GABRB3: variants seen among roughly 807,000 people sequenced by gnomAD.
GABRB3 encodes gamma-aminobutyric acid receptor subunit beta-3.
A neutral mutation model predicts 52.1 loss-of-function variants in GABRB3; 14 were observed. The ratio of observed to expected loss-of-function variants is 0.27; its 90% CI spans 0.18 to 0.42. The LOEUF (loss-of-function observed/expected upper bound fraction) is 0.42, where lower values mean the gene tolerates loss of function less well. Among genes scored for constraint, GABRB3 ranks in the 10% least tolerant of loss-of-function variants. GABRB3 has a pLI of 1.00. For synonymous variants in GABRB3, 260 were observed against 232.3 expected, an observed-to-expected ratio of 1.12 and a Z score of -1.08; for missense variants, 307 against 609.1, an observed-to-expected ratio of 0.50 and a Z score of 5.22.
intron 3 of GABRB3, among the ~76,000 whole-genome samples, chr15:26,637,154 A>C (rs1893083447): frequency 6.6e-6 from 1 of 152,118 alleles, no homozygotes; most frequent in Non-Finnish European, 1.5e-5. Context: ...CACCTTTGCT[A>C]GCTTAGTTCT....
At chr15:26,554,577 C>G (rs547372896) in intron 8 of GABRB3, among the ~76,000 whole-genome samples, 1 of 152,234 alleles carries the variant, frequency 6.6e-6, no homozygotes, top group Non-Finnish European at 1.5e-5. Context: ...TCTCTTCCCA[C>G]TAGGAAAGTG....
At chr15:26,571,834 G>A (rs1228831569) in intron 6 of GABRB3, among the ~76,000 whole-genome samples, 1 of 152,036 alleles carries the variant, frequency 6.6e-6, no homozygotes, top group African/African-American at 2.4e-5. Context: ...TGAATCGCGA[G>A]GTCAAGAGAT....
At chr15:26,738,088 G>A (rs904819770) in intron 3 of GABRB3, among the ~76,000 whole-genome samples, 7 of 151,862 alleles carry the variant, frequency 4.6e-5, no homozygotes, top group South Asian at 2.1e-4. Context: ...GTTCTTCTTC[G>A]TGTTGTTGTT....
At chr15:26,664,561 T>C in intron 3 of GABRB3, among the ~76,000 whole-genome samples, 1 of 152,160 alleles carries the variant, frequency 6.6e-6, no homozygotes, top group Non-Finnish European at 1.5e-5. Context: ...TTATTTATTT[T>C]TAATTATTAT....
rs2140641664 is a variant in GABRB3, at chr15:26,546,526, C to G, written c.*1267G>C. 1 of 152,516 alleles carries G rather than the reference C, an allele frequency of 6.6e-6. No individual in the cohort carries two copies. Among genetic ancestry groups the G allele is most frequent in the Admixed American group, 6.5e-5 (1 of 15,276 alleles). The allele number at this position is 152,516 out of a possible 1,614,324, so 9.4% of individuals were successfully genotyped here. A position where few individuals can be genotyped will look rare whatever the true frequency, so the allele number is the denominator to read the frequency against. ...TGGGTGACGCGTGGTGTGTACGGGT[C>G]ATGTTCCTGCAGAATCCTAGTCAGT... On this transcript the variant is annotated 3_prime_UTR_variant, in exon 9 of 9. Coordinates refer to ENST00000311550, the MANE Select transcript of GABRB3 (RefSeq NM_000814.6).
chr15:26,611,128 G>A (rs996289189), intron 4 of GABRB3, among the ~76,000 whole-genome samples: 2 of 152,168 alleles, frequency 1.3e-5, no homozygotes, highest in Non-Finnish European at 2.9e-5. Context: ...GAACAAGGAA[G>A]TAACTGGAAA....
chr15:26,719,976 G>T (rs1889599267), intron 3 of GABRB3, among the ~76,000 whole-genome samples: 1 of 152,056 alleles, frequency 6.6e-6, no homozygotes, highest in African/African-American at 2.4e-5. Context: ...AATCACAAAA[G>T]AAGTGAAATT....
At chr15:26,594,655 C>T (rs1891330842) in intron 4 of GABRB3, among the ~76,000 whole-genome samples, 1 of 152,094 alleles carries the variant, frequency 6.6e-6, no homozygotes, top group Admixed American at 6.6e-5. Flanking sequence ...ACCAACATGC[C>T]TGGCTAGATT....
chr15:26,549,473 C>T (rs1425148055), intron 8 of GABRB3, among the ~76,000 whole-genome samples: 1 of 152,120 alleles, frequency 6.6e-6, no homozygotes, highest in African/African-American at 2.4e-5. Flanking sequence ...TTCTGGGTCA[C>T]TTCATTATGC....
chr15:26,556,312 G>A (rs1889750204), intron 8 of GABRB3, among the ~76,000 whole-genome samples: 5 of 152,118 alleles, frequency 3.3e-5, no homozygotes, highest in Admixed American at 2.6e-4. Flanking sequence ...GCACACAGTT[G>A]ATATCTCATT....
intron 3 of GABRB3, among the ~76,000 whole-genome samples, chr15:26,707,967 C>T (rs1185591631): frequency 2.0e-5 from 3 of 152,038 alleles, no homozygotes; most frequent in Non-Finnish European, 4.4e-5. Flanking sequence ...ATTGATCATC[C>T]CCAACCCCAA....
intron 3 of GABRB3, among the ~76,000 whole-genome samples, chr15:26,710,291 C>T (rs530581375): frequency 2.6e-5 from 4 of 152,166 alleles, no homozygotes; most frequent in Non-Finnish European, 5.9e-5. Flanking sequence ...GACGGAGTGT[C>T]ACTCTTGTTG....
chr15:26,716,922 G>A (rs5016884), intron 3 of GABRB3, among the ~76,000 whole-genome samples: 1,342 of 9,402 alleles, frequency 0.14, 26 homozygotes, highest in East Asian at 0.27. Flanking sequence ...CCTAGCTCTG[G>A]GGACCTCCAC....
At chr15:26,570,258 A>C (rs1042632856) in intron 6 of GABRB3, among the ~76,000 whole-genome samples, 6 of 152,234 alleles carry the variant, frequency 3.9e-5, no homozygotes, top group African/African-American at 1.4e-4. Context: ...TTGGTTCCAC[A>C]AACAGCAAAC....
rs56172132 is a variant in GABRB3 at position 26,554,191 on chromosome 15, C to G, written c.1081-6057G>C. ...TATATATAAAGTATATATATATATA[C>G]TATATATATATATATATAGTAGAAA... On this transcript the variant is annotated intron_variant, in intron 8 of 8. Coordinates refer to ENST00000311550, the MANE Select transcript of GABRB3 (RefSeq NM_000814.6). Among the ~76,000 whole-genome samples, 99 of 15,466 alleles carry G rather than the reference C, an allele frequency of 6.4e-3. 4 individuals are homozygous for G. The highest frequency in any genetic ancestry group is 0.01 in the Admixed American group (8 of 798). 10.1% of individuals were successfully genotyped at this position (15,466 alleles called of 152,430 possible).
At chr15:26,704,436 T>G (rs535305732) in intron 3 of GABRB3, among the ~76,000 whole-genome samples, 1 of 152,322 alleles carries the variant, frequency 6.6e-6, no homozygotes. Flanking sequence ...TGGCTTCCTT[T>G]TATCCGTACT....
At chr15:26,691,900 A>C (rs2140665410) in intron 3 of GABRB3, among the ~76,000 whole-genome samples, 1 of 152,310 alleles carries the variant, frequency 6.6e-6, no homozygotes, top group Non-Finnish European at 1.5e-5. Context: ...TAGCATCCTT[A>C]ATCAAAATGT....
At chr15:26,593,933 G>A (rs1891298230) in intron 4 of GABRB3, among the ~76,000 whole-genome samples, 1 of 147,978 alleles carries the variant, frequency 6.8e-6, no homozygotes. Context: ...CAATCCCTAA[G>A]TGCCTATTTT....
chr15:26,741,057 TG>T, intron 3 of GABRB3, among the ~76,000 whole-genome samples: 1 of 57,024 alleles, frequency 1.8e-5, no homozygotes, highest in African/African-American at 3.4e-5. Flanking sequence ...TGTGTGTGTG[TG>T]TGTGTGTGTG....
Sources: gnomAD v4.1 joint callset for allele counts (sites outside exome capture counted in the v4.1 genomes callset) on GRCh38, gnomAD v4.1.1 for gene constraint, MANE v1.5 for transcripts, NCBI Gene and HGNC (gene_info 2026-07-23, HGNC 2026-07-21) for gene names.